CSNK1G1: variants seen among roughly 807,000 people sequenced by gnomAD.
CSNK1G1 encodes casein kinase 1 gamma 1, also known as casein kinase I isoform gamma-1.
In CSNK1G1, 22 loss-of-function variants were observed where a neutral mutation model predicts 59.6. The observed-to-expected ratio is 0.37, with a 90% CI of 0.26 to 0.53. The LOEUF (loss-of-function observed/expected upper bound fraction) is 0.53, where lower values mean the gene tolerates loss of function less well. Among genes scored for constraint, CSNK1G1 ranks in the 20% least tolerant of loss-of-function variants. CSNK1G1 has a pLI of 0.89. For synonymous variants in CSNK1G1, 179 were observed against 177.1 expected (o/e 1.01, Z -0.08); for missense variants, 384 against 519.5 (o/e 0.74, Z 2.54).
intron 6 of CSNK1G1, among the ~76,000 whole-genome samples, chr15:64,213,081 C>A (rs1215603063): frequency 6.6e-6 from 1 of 152,130 alleles, no homozygotes; most frequent in Non-Finnish European, 1.5e-5. Flanking sequence ...ATAATTATTT[C>A]TGCCTAGGAG....
intron 2 of CSNK1G1, among the ~76,000 whole-genome samples, chr15:64,293,427 T>C (rs1894848335): frequency 1.3e-5 from 2 of 152,190 alleles, no homozygotes; most frequent in African/African-American, 2.4e-5. Flanking sequence ...CTGTCATAGA[T>C]GAAAAGATTC....
intron 4 of CSNK1G1, among the ~76,000 whole-genome samples, chr15:64,227,695 T>G (rs1376342956): frequency 1.3e-5 from 2 of 152,198 alleles, no homozygotes; most frequent in Non-Finnish European, 2.9e-5. Context: ...CCTACCACAC[T>G]TGAATCTCAT....
At chr15:64,181,167 C>G in intron 10 of CSNK1G1, 1 of 1,511,494 alleles carries the variant, frequency 6.6e-7, no homozygotes, top group Non-Finnish European at 8.8e-7. Context: ...AACACTCTCC[C>G]TTGGAAAGCC....
intron 10 of CSNK1G1, among the ~76,000 whole-genome samples, chr15:64,195,929 G>T (rs1329316089): frequency 6.6e-6 from 1 of 152,104 alleles, no homozygotes; most frequent in African/African-American, 2.4e-5. Context: ...TAAAATTTAT[G>T]TTCAAAAAAA....
chr15:64,298,528 C>T (rs904374845), intron 2 of CSNK1G1, among the ~76,000 whole-genome samples: 7 of 151,962 alleles, frequency 4.6e-5, no homozygotes, highest in African/African-American at 1.7e-4. Context: ...TTTGGTAACC[C>T]GAACACAATT....
At position 64,282,119 on chromosome 15, in the gene CSNK1G1, C is replaced by T. The variant is rs139280627; in HGVS notation, c.181+18200G>A. 6.9e-3 allele frequency among the ~76,000 whole-genome samples: 1,047 copies of T among 151,312 alleles called. 9 individuals are homozygous for T. The highest frequency in any genetic ancestry group is 0.019 in the African/African-American group (763 of 41,224). Reference sequence around the variant, plus strand: ...TTTTTTAACATTTTTTGTGGAGATGCGGTCTTGCTATGTTGTCCAGGTTGG... The same window carrying T: ...TTTTTTAACATTTTTTGTGGAGATGTGGTCTTGCTATGTTGTCCAGGTTGG... On this transcript the variant is annotated intron_variant, in intron 2 of 11. Coordinates refer to ENST00000303052, the MANE Select transcript of CSNK1G1 (RefSeq NM_022048.5).
Position 64,277,883 on chromosome 15 carries a change from A to G in CSNK1G1, c.182-18642T>C, listed in dbSNP as rs975340525. Among the ~76,000 whole-genome samples the G allele has an allele frequency of 5.0e-5, 7 of 139,748 alleles. No individual in the cohort carries two copies. In the South Asian group the frequency reaches 1.5e-3, roughly 30 times the overall value. The allele number at this position is 139,748 out of a possible 152,430, so 91.7% of individuals were successfully genotyped here. A position where few individuals can be genotyped will look rare whatever the true frequency, so the allele number is the denominator to read the frequency against. On this transcript the variant is annotated intron_variant, in intron 2 of 11. Coordinates refer to ENST00000303052, the MANE Select transcript of CSNK1G1 (RefSeq NM_022048.5). Reference sequence around the variant, plus strand: ...TGATATATTTAATAATAATATTGATATATTTAATATATTGATATTGATATA... The same window carrying G: ...TGATATATTTAATAATAATATTGATGTATTTAATATATTGATATTGATATA...
chr15:64,186,288 T>C (rs1314138166), intron 10 of CSNK1G1, among the ~76,000 whole-genome samples: 1 of 152,094 alleles, frequency 6.6e-6, no homozygotes, highest in Non-Finnish European at 1.5e-5. Flanking sequence ...TTAAAATTAC[T>C]TTTTAGTAGA....
At chr15:64,290,759 T>A (rs1344052110) in intron 2 of CSNK1G1, among the ~76,000 whole-genome samples, 1 of 152,230 alleles carries the variant, frequency 6.6e-6, no homozygotes, top group African/African-American at 2.4e-5. Flanking sequence ...TCAATTAATT[T>A]ATTTTTTTTG....
chr15:64,194,040 T>G (rs529426439), intron 10 of CSNK1G1: 1 of 152,524 alleles, frequency 6.6e-6, no homozygotes, highest in East Asian at 1.9e-4. Context: ...GAATCTATTT[T>G]CAGTTTTGCA....
chr15:64,205,815 G>A (rs2082171312), intron 7 of CSNK1G1, among the ~76,000 whole-genome samples: 1 of 152,176 alleles, frequency 6.6e-6, no homozygotes, highest in South Asian at 2.1e-4. Context: ...AGATGTATAT[G>A]ACAGGAGAGG....
Position 64,298,629 on chromosome 15 carries a change from A to G in CSNK1G1, c.181+1690T>C, listed in dbSNP as rs141892584. Among the ~76,000 whole-genome samples, 576 of 152,274 alleles carry G rather than the reference A, an allele frequency of 3.8e-3. 5 individuals are homozygous for G. Among genetic ancestry groups the G allele is most frequent in the African/African-American group, 9.8e-3 (406 of 41,530 alleles). On this transcript the variant is annotated intron_variant, in intron 2 of 11. Transcript: ENST00000303052. Reference sequence around the variant, plus strand: ...CAGTAAAAATAAATCCATTCTCATCATTCTTAAATTCAAATGGTCTCTGGC... The same window carrying G: ...CAGTAAAAATAAATCCATTCTCATCGTTCTTAAATTCAAATGGTCTCTGGC...
At chr15:64,350,430 G>T (rs1898224392) in intron 1 of CSNK1G1, among the ~76,000 whole-genome samples, 1 of 151,942 alleles carries the variant, frequency 6.6e-6, no homozygotes, top group African/African-American at 2.4e-5. Context: ...GAACCCGGGA[G>T]ATGGAGCTTG....
chr15:64,283,752 G>A (rs1894267211), intron 2 of CSNK1G1, among the ~76,000 whole-genome samples: 1 of 152,134 alleles, frequency 6.6e-6, no homozygotes. Context: ...CAAAGTGCTG[G>A]GATTACAGCC....
intron 1 of CSNK1G1, among the ~76,000 whole-genome samples, chr15:64,340,426 C>T (rs1897626281): frequency 6.6e-6 from 1 of 151,942 alleles, no homozygotes; most frequent in African/African-American, 2.4e-5. Flanking sequence ...TTATAAATTT[C>T]TCCTTGTAGT....
chr15:64,264,691 T>C (rs909884857), intron 2 of CSNK1G1, among the ~76,000 whole-genome samples: 2 of 152,092 alleles, frequency 1.3e-5, no homozygotes, highest in African/African-American at 2.4e-5. Context: ...ATGGGATGTA[T>C]CCCGGGGATG....
intron 8 of CSNK1G1, 71 bp from the exon 9 acceptor site, chr15:64,204,660 G>A (rs1288201672): frequency 1.4e-6 from 2 of 1,454,488 alleles, no homozygotes; most frequent in Non-Finnish European, 1.9e-6. Flanking sequence ...GGGAAGCATT[G>A]GGCCACAAAG....
intron 6 of CSNK1G1, among the ~76,000 whole-genome samples, chr15:64,207,968 G>GT (rs1300535076): frequency 6.6e-6 from 1 of 152,202 alleles, no homozygotes; most frequent in Non-Finnish European, 1.5e-5. Context: ...CCACCAGAGA[G>GT]TGAGCAGCAG....
intron 2 of CSNK1G1, among the ~76,000 whole-genome samples, chr15:64,283,992 C>G (rs941218003): frequency 6.6e-6 from 1 of 151,932 alleles, no homozygotes; most frequent in Non-Finnish European, 1.5e-5. Flanking sequence ...GTCCTTTGAT[C>G]TACTTTGGGT....
Sources: allele counts gnomAD v4.1 joint callset (sites outside exome capture counted in the v4.1 genomes callset), GRCh38; gene constraint gnomAD v4.1.1; transcripts MANE v1.5; gene names NCBI Gene and HGNC (gene_info 2026-07-23, HGNC 2026-07-21).